FGF12: variants seen among roughly 807,000 people sequenced by gnomAD.
FGF12 encodes the protein fibroblast growth factor 12B.
In FGF12, 14 loss-of-function variants were observed where a neutral mutation model predicts 23.6. The observed-to-expected ratio is 0.59, with a 90% CI of 0.39 to 0.93. The LOEUF is 0.93. Among genes scored for constraint, FGF12 ranks in the 40% least tolerant of loss-of-function variants. FGF12 has a pLI of 0.00. For synonymous variants in FGF12, 62 were observed against 77.3 expected (o/e 0.80, Z 1.04); for missense variants, 175 against 217.8 (o/e 0.80, Z 1.24).
chr3:192,654,038 TC>T (rs2108678409), intron 2 of FGF12, among the ~76,000 whole-genome samples: 1 of 152,350 alleles, frequency 6.6e-6, no homozygotes, highest in South Asian at 2.1e-4. Context: ...ATTTGAAGCT[TC>T]TTAAGGTGAG....
intron 2 of FGF12, among the ~76,000 whole-genome samples, chr3:192,439,326 T>C (rs142234199): frequency 1.3e-5 from 2 of 152,338 alleles, no homozygotes; most frequent in East Asian, 1.9e-4. Context: ...TATTTCTTTA[T>C]GTCCAACACA....
At chr3:192,575,325 G>T (rs1381719824) in intron 2 of FGF12, among the ~76,000 whole-genome samples, 1 of 152,214 alleles carries the variant, frequency 6.6e-6, no homozygotes, top group Non-Finnish European at 1.5e-5. Flanking sequence ...TGCACAGTTT[G>T]TTGTAATCTG....
At chr3:192,192,130 A>G (rs1250200508) in intron 4 of FGF12, among the ~76,000 whole-genome samples, 3 of 152,142 alleles carry the variant, frequency 2.0e-5, no homozygotes, top group Non-Finnish European at 4.4e-5. Context: ...TAACATGCTA[A>G]ATGAAGATCT....
chr3:192,484,697 C>T (rs962416673), intron 2 of FGF12, among the ~76,000 whole-genome samples: 1 of 152,124 alleles, frequency 6.6e-6, no homozygotes, highest in Non-Finnish European at 1.5e-5. Flanking sequence ...ATGCACTCTC[C>T]CAGGCTGAAT....
At chr3:192,432,639 A>AAG (rs1553812374) in intron 2 of FGF12, among the ~76,000 whole-genome samples, 6,156 of 135,698 alleles carry the variant, frequency 0.045, 135 homozygotes, top group Non-Finnish European at 0.063. Flanking sequence ...AAAAAAAAAA[A>AAG]AAAGAAAGAA....
At chr3:192,196,295 C>A (rs980495173) in intron 4 of FGF12, among the ~76,000 whole-genome samples, 1 of 152,126 alleles carries the variant, frequency 6.6e-6, no homozygotes, top group African/African-American at 2.4e-5. Context: ...TTAAAAGACA[C>A]AAAAGACTGT....
intron 2 of FGF12, among the ~76,000 whole-genome samples, chr3:192,464,817 G>A (rs1722964954): frequency 6.6e-6 from 1 of 152,050 alleles, no homozygotes; most frequent in Non-Finnish European, 1.5e-5. Flanking sequence ...GTTAAAAACA[G>A]GTGTGGCAAT....
chr3:192,228,015 G>T (rs1406123004), intron 4 of FGF12, among the ~76,000 whole-genome samples: 1 of 152,128 alleles, frequency 6.6e-6, no homozygotes, highest in Non-Finnish European at 1.5e-5. Flanking sequence ...GAGGAAAGAG[G>T]AGATGTTGGT....
At chr3:192,341,178 CA>C (rs1717672114) in intron 3 of FGF12, among the ~76,000 whole-genome samples, 1 of 152,108 alleles carries the variant, frequency 6.6e-6, no homozygotes, top group African/African-American at 2.4e-5. Flanking sequence ...TTCTCAAGAA[CA>C]ACAAACAAAT....
At chr3:192,415,774 A>ACT (rs1560104864) in intron 2 of FGF12, among the ~76,000 whole-genome samples, 4 of 151,396 alleles carry the variant, frequency 2.6e-5, no homozygotes, top group South Asian at 4.2e-4. Flanking sequence ...ACACACACAC[A>ACT]CACTCATGTT....
chr3:192,592,680 C>T (rs1713677525), intron 2 of FGF12, among the ~76,000 whole-genome samples: 1 of 151,702 alleles, frequency 6.6e-6, no homozygotes, highest in Non-Finnish European at 1.5e-5. Flanking sequence ...AAAAACAAAA[C>T]AAAAACAAAA....
chr3:192,199,143 T>A (rs1277646059), intron 4 of FGF12, among the ~76,000 whole-genome samples: 3 of 152,208 alleles, frequency 2.0e-5, no homozygotes, highest in Non-Finnish European at 4.4e-5. Flanking sequence ...AATGCTGACA[T>A]GTTACTTCGT....
chr3:192,549,308 A>G (rs1725571472), intron 2 of FGF12, among the ~76,000 whole-genome samples: 1 of 152,158 alleles, frequency 6.6e-6, no homozygotes, highest in South Asian at 2.1e-4. Flanking sequence ...CTAATAATTA[A>G]TGTAACTTAG....
At chr3:192,572,369 C>T (rs552924455) in intron 2 of FGF12, among the ~76,000 whole-genome samples, 7 of 152,272 alleles carry the variant, frequency 4.6e-5, no homozygotes, top group Admixed American at 1.3e-4. Context: ...CATGATCATG[C>T]ACAGCGTCAA....
intron 2 of FGF12, among the ~76,000 whole-genome samples, chr3:192,381,969 G>A (rs1576931579): frequency 1.3e-5 from 2 of 151,970 alleles, no homozygotes; most frequent in East Asian, 3.9e-4. Context: ...GACATATAGG[G>A]AGTGTTATGT....
intron 2 of FGF12, among the ~76,000 whole-genome samples, chr3:192,542,568 T>C (rs1320286249): frequency 6.6e-6 from 1 of 152,174 alleles, no homozygotes; most frequent in African/African-American, 2.4e-5. Flanking sequence ...TGGATGTTTG[T>C]CAGTGTCTGG....
At chr3:192,612,442 A>G (rs1038648817) in intron 2 of FGF12, among the ~76,000 whole-genome samples, 1 of 151,950 alleles carries the variant, frequency 6.6e-6, no homozygotes, top group Non-Finnish European at 1.5e-5. Context: ...TTTGGCTTAC[A>G]TGGTTGACTT....
chr3:192,429,778 CTT>C (rs1721805601), intron 2 of FGF12, among the ~76,000 whole-genome samples: 1 of 127,872 alleles, frequency 7.8e-6, no homozygotes, highest in Admixed American at 8.4e-5. Context: ...GAAGATATCT[CTT>C]AACGCCATTC....
rs1713250643 is a variant in FGF12, at chr3:192,139,557, T to C, written c.*4452A>G. On this transcript the variant is annotated 3_prime_UTR_variant, in exon 6 of 6. Coordinates refer to ENST00000445105, the MANE Select transcript of FGF12 (RefSeq NM_004113.6). ...GCCATGGGAGTATGTTTTGGACTTT[T>C]TGAACAATTTTAAGTAAAATGAATG... 1 of 152,168 alleles carries C rather than the reference T, an allele frequency of 6.6e-6. No individual in the cohort carries two copies. Among genetic ancestry groups the C allele is most frequent in the African/African-American group, 2.4e-5 (1 of 41,454 alleles). The allele number at this position is 152,168 out of a possible 1,614,324, so 9.4% of individuals were successfully genotyped here.
Sources: gnomAD v4.1 joint callset for allele counts (sites outside exome capture counted in the v4.1 genomes callset) on GRCh38, gnomAD v4.1.1 for gene constraint, MANE v1.5 for transcripts, NCBI Gene and HGNC (gene_info 2026-07-23, HGNC 2026-07-21) for gene names.